Variants in MPP4 observed in about 807,000 individuals in gnomAD.
MPP4 encodes MAGUK p55 scaffold protein 4, also known as MAGUK p55 subfamily member 4.
A neutral mutation model predicts 98.3 loss-of-function variants in MPP4; 91 were observed. The observed-to-expected ratio is 0.93, with a 90% CI of 0.78 to 1.10. The LOEUF (loss-of-function observed/expected upper bound fraction) is 1.10. Ranked by LOEUF, MPP4 falls within the 50% of genes least tolerant of loss-of-function variation. MPP4 has a pLI of 0.00. For synonymous variants in MPP4, 261 were observed against 271.8 expected, an observed-to-expected ratio of 0.96 and a Z score of 0.39; for missense variants, 744 against 792.9, an observed-to-expected ratio of 0.94 and a Z score of 0.74.
chr2:201,685,682 A>G lies in MPP4; in HGVS notation c.492+237T>C, dbSNP rs529963893. Among the ~76,000 whole-genome samples, 89 of 152,370 alleles carry G rather than the reference A, an allele frequency of 5.8e-4. 1 individual carries two copies. Among genetic ancestry groups the G allele is most frequent in the Non-Finnish European group, 9.4e-4 (64 of 68,038 alleles). ...TATTTCTCACAAAAATGTCTTATAA[A>G]TCTCATCTTACTTTTCACAAAAGAA... On this transcript the variant is annotated intron_variant, in intron 6 of 21. Transcript: ENST00000409474.
intron 13 of MPP4, chr2:201,664,400 G>A (rs528269938): frequency 3.5e-6 from 4 of 1,149,514 alleles, no homozygotes; most frequent in East Asian, 1.0e-4. Context: ...TCAGAGGGAA[G>A]GGGAAAGTGG....
chr2:201,671,240 G>A (rs1364209524), intron 11 of MPP4, among the ~76,000 whole-genome samples: 1 of 152,140 alleles, frequency 6.6e-6, no homozygotes, highest in African/African-American at 2.4e-5. Flanking sequence ...CCTGGAAAAG[G>A]GGCTGAAGCC....
intron 13 of MPP4, 87 bp from the exon 14 acceptor site, chr2:201,664,188 C>T: frequency 2.7e-6 from 4 of 1,504,132 alleles, no homozygotes; most frequent in Non-Finnish European, 3.6e-6. Context: ...ATTCTCTGGC[C>T]CCTACTTCTG....
At chr2:201,690,101 T>C in intron 4 of MPP4, 101 bp downstream of exon 4, 1 of 691,030 alleles carries the variant, frequency 1.4e-6, no homozygotes. Context: ...TAGTCATCAA[T>C]AAAACTTTTC....
chr2:201,661,933 A>G (rs1688040340), intron 14 of MPP4: 1 of 313,896 alleles, frequency 3.2e-6, no homozygotes, highest in Non-Finnish European at 6.2e-6. Flanking sequence ...AGCTAGGGGA[A>G]TTAAAAACTA....
At chr2:201,693,652 G>A (rs1010529573) in intron 2 of MPP4, among the ~76,000 whole-genome samples, 4 of 152,224 alleles carry the variant, frequency 2.6e-5, no homozygotes, top group Non-Finnish European at 2.9e-5. Flanking sequence ...ACATTGTCAG[G>A]TAAGGGAAAA....
At chr2:201,676,720 T>C (rs533965458) in intron 10 of MPP4, among the ~76,000 whole-genome samples, 3 of 152,090 alleles carry the variant, frequency 2.0e-5, no homozygotes, top group Non-Finnish European at 4.4e-5. Flanking sequence ...GCCAACACAG[T>C]GAAACCCCAT....
At chr2:201,691,115 AC>A (rs1419237940) in intron 3 of MPP4, among the ~76,000 whole-genome samples, 1 of 152,204 alleles carries the variant, frequency 6.6e-6, no homozygotes, top group African/African-American at 2.4e-5. Flanking sequence ...TGGATAACTC[AC>A]CAAGGGCCTA....
Position 201,645,289 on chromosome 2 carries a change from A to T in MPP4, c.1835T>A (p.Leu612Ter). 6.2e-7 allele frequency: 1 copy of T among 1,613,994 alleles called. No individual in the cohort carries two copies. Among genetic ancestry groups the T allele is most frequent in the Non-Finnish European group, 8.5e-7 (1 of 1,179,864 alleles). The change falls in exon 22 of 22, where the codon TTG (leucine) becomes TAG (stop). Residue 612 changes from leucine to a stop codon, truncating the protein, a stop_gained. Transcript: ENST00000409474. LOFTEE classifies it high-confidence loss of function. The part of the protein sequence containing the change: ...DSLHDACAQL[L>*]SAIQKAQEEP... The stretch of plus-strand genomic sequence containing the variant: ...CTCCTGAGCCTTCTGTATGGCAGAC[A>T]ACAACTGGGCACATGCATCGTGCAA...
At chr2:201,658,868 A>C (rs929122899) in intron 15 of MPP4, among the ~76,000 whole-genome samples, 1 of 152,216 alleles carries the variant, frequency 6.6e-6, no homozygotes, top group Admixed American at 6.5e-5. Flanking sequence ...TCAGTATCAT[A>C]TAACTTTAAA....
At chr2:201,681,141 C>T in intron 9 of MPP4, 107 bp from the exon 10 acceptor site, 1 of 1,109,302 alleles carries the variant, frequency 9.0e-7, no homozygotes, top group Non-Finnish European at 1.3e-6. Context: ...CCCACTCCTC[C>T]ACCTGCTACT....
At chr2:201,684,903 A>G (rs1812933) in intron 7 of MPP4, among the ~76,000 whole-genome samples, 161 bp downstream of exon 7, 88,604 of 146,482 alleles carry the variant, frequency 0.6, 28,380 homozygotes, top group Middle Eastern at 0.76. Flanking sequence ...AGCCGAGATC[A>G]CGCCACTGCA....
At chr2:201,658,662 A>G (rs1385705697) in intron 15 of MPP4, 144 bp from the exon 16 acceptor site, 6 of 645,252 alleles carry the variant, frequency 9.3e-6, no homozygotes, top group Non-Finnish European at 1.6e-5. Flanking sequence ...TGGCTCACCG[A>G]ATGTTCTAAG....
intron 18 of MPP4, chr2:201,652,188 G>A (rs1479833447): frequency 6.0e-6 from 1 of 166,584 alleles, no homozygotes; most frequent in Non-Finnish European, 1.2e-5. Context: ...GCCGGGTGTG[G>A]TGGCTCATGC....
At chr2:201,659,148 A>G (rs535866985) in intron 15 of MPP4, among the ~76,000 whole-genome samples, 3 of 152,178 alleles carry the variant, frequency 2.0e-5, no homozygotes, top group Non-Finnish European at 4.4e-5. Flanking sequence ...CACCCACCTC[A>G]GCCTCCCAAA....
chr2:201,685,218 GCAGCTCTGGTCTTTCAATCAA>G (rs1688789668), intron 6 of MPP4, 73 bp from the exon 7 acceptor site: 9 of 416,408 alleles, frequency 2.2e-5, no homozygotes, highest in African/African-American at 7.3e-5. Context: ...CTCAATCAAT[GCAGCTCTGGTCTTTCAATCAA>G]TGCAGCTCTG....
At chr2:201,681,145 T>TACTCCTATCTTTCCTCTCCACCC (rs1688654926) in intron 9 of MPP4, 111 bp from the exon 10 acceptor site, 8 of 1,080,142 alleles carry the variant, frequency 7.4e-6, no homozygotes, top group Non-Finnish European at 1.1e-5. Flanking sequence ...CTCCTCCACC[T>TACTCCTATCTTTCCTCTCCACCC]GCTACTCCTA....
intron 20 of MPP4, among the ~76,000 whole-genome samples, chr2:201,648,274 CG>C (rs1159081559): frequency 6.6e-6 from 1 of 152,156 alleles, no homozygotes; most frequent in Non-Finnish European, 1.5e-5. Flanking sequence ...CCTCCCATCT[CG>C]GCTTTCCAAG....
intron 11 of MPP4, among the ~76,000 whole-genome samples, chr2:201,671,129 C>A (rs969187212): frequency 6.6e-6 from 1 of 151,896 alleles, no homozygotes; most frequent in Non-Finnish European, 1.5e-5. Flanking sequence ...CAAAACTGGG[C>A]GGCCGTTTGG....
Sources: allele counts gnomAD v4.1 joint callset (sites outside exome capture counted in the v4.1 genomes callset), GRCh38; gene constraint gnomAD v4.1.1; transcripts MANE v1.5; gene names NCBI Gene and HGNC (gene_info 2026-07-23, HGNC 2026-07-21).